The following RGSL1 variants were observed in gnomAD, a reference collection of about 807,000 sequenced individuals.
RGSL1 encodes regulator of G protein signaling protein-like.
In RGSL1, 97 loss-of-function variants were observed where a neutral mutation model predicts 124.7. The ratio of observed to expected loss-of-function variants is 0.78; its 90% CI spans 0.66 to 0.92. The LOEUF (loss-of-function observed/expected upper bound fraction) is 0.92. Ranked by LOEUF, RGSL1 falls within the 40% of genes least tolerant of loss-of-function variation. The pLI, the probability that RGSL1 is intolerant of heterozygous loss-of-function variation, is 0.00. For synonymous variants in RGSL1, 424 were observed against 438.1 expected, an observed-to-expected ratio of 0.97 and a Z score of 0.40; for missense variants, 1,233 against 1,288.4, an observed-to-expected ratio of 0.96 and a Z score of 0.66.
chr1:182,528,395 C>T (rs1172484830), intron 11 of RGSL1, among the ~76,000 whole-genome samples: 1 of 152,198 alleles, frequency 6.6e-6, no homozygotes, highest in Non-Finnish European at 1.5e-5. Flanking sequence ...TTCCAACATT[C>T]CGCCAAAGTC....
chr1:182,544,193 G>T (rs183599655), intron 15 of RGSL1, among the ~76,000 whole-genome samples: 1 of 152,080 alleles, frequency 6.6e-6, no homozygotes, highest in Non-Finnish European at 1.5e-5. Flanking sequence ...TTGGAATGTT[G>T]TATTTCCATC....
At chr1:182,511,984 T>A (rs949402761) in intron 9 of RGSL1, among the ~76,000 whole-genome samples, 1 of 152,192 alleles carries the variant, frequency 6.6e-6, no homozygotes, top group Non-Finnish European at 1.5e-5. Flanking sequence ...CTATATATTT[T>A]ATATTTTTGT....
At chr1:182,531,916 T>C (rs556448116) in intron 13 of RGSL1, among the ~76,000 whole-genome samples, 31 of 152,344 alleles carry the variant, frequency 2.0e-4, no homozygotes, top group African/African-American at 7.2e-4. Context: ...GTTAAGTAAC[T>C]TGACCCAAAT....
At chr1:182,533,571 C>T (rs1339721677) in intron 14 of RGSL1, among the ~76,000 whole-genome samples, 1 of 152,164 alleles carries the variant, frequency 6.6e-6, no homozygotes, top group Non-Finnish European at 1.5e-5. Flanking sequence ...AAATACAAGC[C>T]ACAGATGTTG....
intron 15 of RGSL1, among the ~76,000 whole-genome samples, 165 bp from the exon 16 acceptor site, chr1:182,548,152 T>C (rs1301305285): frequency 4.6e-5 from 7 of 152,202 alleles, no homozygotes; most frequent in Non-Finnish European, 1.5e-5. Context: ...TGATAAGTGC[T>C]CAGTATTTGC....
At chr1:182,488,170 C>T in intron 6 of RGSL1, 115 bp from the exon 7 acceptor site, 1 of 1,018,144 alleles carries the variant, frequency 9.8e-7, no homozygotes, top group Admixed American at 2.5e-5. Flanking sequence ...ATTAGATCTC[C>T]AAATTACAGA....
intron 9 of RGSL1, among the ~76,000 whole-genome samples, chr1:182,505,279 A>G (rs74896446): frequency 0.02 from 3,017 of 152,236 alleles, 102 homozygotes; most frequent in African/African-American, 0.069. Flanking sequence ...AACAACCACA[A>G]TTTTTTGAAA....
At chr1:182,471,157 A>G in intron 4 of RGSL1, 1 of 404,194 alleles carries the variant, frequency 2.5e-6, no homozygotes, top group South Asian at 1.8e-5. Context: ...GACCCTGCTC[A>G]TCTAACTGGT....
chr1:182,528,401 A>G (rs1193869063), intron 11 of RGSL1, among the ~76,000 whole-genome samples: 1 of 152,116 alleles, frequency 6.6e-6, no homozygotes, highest in Non-Finnish European at 1.5e-5. Context: ...CATTCCGCCA[A>G]AGTCTTAACT....
intron 15 of RGSL1, among the ~76,000 whole-genome samples, chr1:182,542,740 A>T (rs1185281765): frequency 6.6e-6 from 1 of 151,846 alleles, no homozygotes; most frequent in South Asian, 2.1e-4. Context: ...CAATTTTTTC[A>T]TCAGTATTTT....
intron 9 of RGSL1, among the ~76,000 whole-genome samples, chr1:182,505,303 T>C (rs1278531234): frequency 6.6e-6 from 1 of 152,228 alleles, no homozygotes; most frequent in Non-Finnish European, 1.5e-5. Flanking sequence ...AGATTCATAT[T>C]TCACCTTCTG....
At chr1:182,481,577 A>G (rs1654711020) in intron 6 of RGSL1, among the ~76,000 whole-genome samples, 1 of 152,226 alleles carries the variant, frequency 6.6e-6, no homozygotes, top group South Asian at 2.1e-4. Context: ...GAACACTTTC[A>G]AAGTAATTTA....
At chr1:182,483,978 G>T (rs12048823) in intron 6 of RGSL1, among the ~76,000 whole-genome samples, 13,992 of 152,118 alleles carry the variant, frequency 0.092, 721 homozygotes, top group South Asian at 0.18. Flanking sequence ...GGGCTCAGTG[G>T]CAACTCAGGT....
At chr1:182,522,785 G>A (rs887868613) in intron 10 of RGSL1, among the ~76,000 whole-genome samples, 2 of 152,122 alleles carry the variant, frequency 1.3e-5, no homozygotes, top group African/African-American at 4.8e-5. Context: ...CTTTTTACCG[G>A]TCTTTACTTT....
At chr1:182,460,619 C>T (rs1404488331) in intron 4 of RGSL1, 6 of 455,616 alleles carry the variant, frequency 1.3e-5, no homozygotes, top group South Asian at 7.8e-5. Context: ...CTCTCTTCCT[C>T]ATAGAAGCCA....
At chr1:182,548,926 G>C in intron 17 of RGSL1, 102 bp downstream of exon 17, 1 of 1,384,190 alleles carries the variant, frequency 7.2e-7, no homozygotes, top group African/African-American at 1.5e-5. Context: ...GTAGTTTCCA[G>C]TTTCTAGGGG....
At chr1:182,476,987 C>G (rs746733512) in intron 6 of RGSL1, among the ~76,000 whole-genome samples, 1 of 152,182 alleles carries the variant, frequency 6.6e-6, no homozygotes, top group Non-Finnish European at 1.5e-5. Context: ...TTGTCCGTAG[C>G]ACATATCACT....
chr1:182,504,170 G>C (rs1044978349), intron 9 of RGSL1, among the ~76,000 whole-genome samples: 1 of 151,682 alleles, frequency 6.6e-6, no homozygotes, highest in Non-Finnish European at 1.5e-5. Flanking sequence ...TAGTAGAGAC[G>C]GGGTTTCACC....
Position 182,491,461 on chromosome 1 carries a change from T to A in RGSL1, c.1718-1561T>A, listed in dbSNP as rs190836111. 1.7e-3 allele frequency among the ~76,000 whole-genome samples: 263 copies of A among 152,160 alleles called. 1 individual carries two copies. The highest frequency in any genetic ancestry group is 3.8e-3 in the Admixed American group (58 of 15,286). On this transcript the variant is annotated intron_variant, in intron 8 of 21. Coordinates refer to ENST00000294854, the MANE Select transcript of RGSL1 (RefSeq NM_001137669.2). ...AGCTCCTGACCTCAAGTGATCCGCC[T>A]GTCTCAGCCTCCCAAAGTGCTGGGA...
Sources: allele counts gnomAD v4.1 joint callset (sites outside exome capture counted in the v4.1 genomes callset), GRCh38; gene constraint gnomAD v4.1.1; transcripts MANE v1.5; gene names NCBI Gene and HGNC (gene_info 2026-07-23, HGNC 2026-07-21).